Variants in CNTN5 observed in about 807,000 individuals in gnomAD.
CNTN5 encodes contactin 5.
CNTN5 carries 77 observed loss-of-function variants against 129.1 expected under a neutral mutation model. The observed-to-expected ratio is 0.60, with a 90% CI of 0.50 to 0.72. The LOEUF is 0.72. Ranked by LOEUF, CNTN5 falls within the 30% of genes least tolerant of loss-of-function variation. CNTN5 has a pLI of 0.00. For synonymous variants in CNTN5, 509 were observed against 465.6 expected, an observed-to-expected ratio of 1.09 and a Z score of -1.20; for missense variants, 1,478 against 1,328.8, an observed-to-expected ratio of 1.11 and a Z score of -1.75.
intron 2 of CNTN5, among the ~76,000 whole-genome samples, chr11:99,543,010 C>T (rs529283419): frequency 4.6e-5 from 7 of 152,258 alleles, no homozygotes; most frequent in African/African-American, 1.7e-4. Flanking sequence ...TTGTGTTGTG[C>T]CTTGTCTGGT....
intron 2 of CNTN5, among the ~76,000 whole-genome samples, chr11:99,380,794 A>G (rs111843754): frequency 6.6e-6 from 1 of 150,622 alleles, no homozygotes; most frequent in Admixed American, 6.6e-5. Context: ...AAAGAAAAGA[A>G]AAAAGAAAAG....
chr11:99,374,260 A>G (rs1166890984), intron 2 of CNTN5, among the ~76,000 whole-genome samples: 1 of 152,216 alleles, frequency 6.6e-6, no homozygotes, highest in East Asian at 1.9e-4. Flanking sequence ...TTTCTCTGCA[A>G]GATAATATTA....
At chr11:99,575,512 T>C (rs12419312) in intron 3 of CNTN5, among the ~76,000 whole-genome samples, 7,400 of 152,240 alleles carry the variant, frequency 0.049, 425 homozygotes, top group East Asian at 0.28. Flanking sequence ...GCTAAAACAA[T>C]CTTGAGAAAG....
chr11:99,610,921 G>T (rs190845227), intron 3 of CNTN5, among the ~76,000 whole-genome samples: 2 of 152,278 alleles, frequency 1.3e-5, no homozygotes, highest in East Asian at 3.9e-4. Context: ...AGAAAAAAGC[G>T]GGGAGTAGAC....
chr11:99,894,235 C>T (rs770049206), intron 6 of CNTN5, among the ~76,000 whole-genome samples: 68 of 151,982 alleles, frequency 4.5e-4, no homozygotes, highest in Non-Finnish European at 8.1e-4. Context: ...ACAGACTGTT[C>T]CTTGTTTATG....
At chr11:99,953,503 A>C (rs1950724207) in intron 7 of CNTN5, among the ~76,000 whole-genome samples, 1 of 152,250 alleles carries the variant, frequency 6.6e-6, no homozygotes, top group Non-Finnish European at 1.5e-5. Context: ...GAAATCCCGA[A>C]GTATCAGAAA....
chr11:99,633,312 G>A (rs780090163), intron 3 of CNTN5, among the ~76,000 whole-genome samples: 1 of 152,132 alleles, frequency 6.6e-6, no homozygotes, highest in Non-Finnish European at 1.5e-5. Flanking sequence ...TGCTATGCCT[G>A]CATTGTATAG....
intron 2 of CNTN5, among the ~76,000 whole-genome samples, chr11:99,549,643 T>G (rs1948416548): frequency 6.6e-6 from 1 of 152,150 alleles, no homozygotes; most frequent in Non-Finnish European, 1.5e-5. Context: ...TTCTTAGTCA[T>G]GATATCCAGT....
intron 15 of CNTN5, among the ~76,000 whole-genome samples, chr11:100,198,363 A>G (rs1438090898): frequency 1.3e-5 from 2 of 151,890 alleles, no homozygotes; most frequent in East Asian, 3.9e-4. Context: ...TTGAACACCT[A>G]TGTGCCAAGC....
At chr11:100,312,056 C>T (rs920274430) in intron 21 of CNTN5, among the ~76,000 whole-genome samples, 8 of 151,906 alleles carry the variant, frequency 5.3e-5, no homozygotes, top group South Asian at 2.1e-4. Flanking sequence ...ACAAACAAAC[C>T]GGGACAGAAT....
At chr11:100,125,705 G>A in intron 13 of CNTN5, among the ~76,000 whole-genome samples, 1 of 152,024 alleles carries the variant, frequency 6.6e-6, no homozygotes, top group East Asian at 1.9e-4. Context: ...TGGGTCAAAT[G>A]GAAGTTTGGC....
chr11:100,232,364 T>C (rs1949508294), intron 16 of CNTN5, among the ~76,000 whole-genome samples: 1 of 151,900 alleles, frequency 6.6e-6, no homozygotes, highest in Admixed American at 6.6e-5. Context: ...AAGGAGAAAA[T>C]GGACAACAGT....
At chr11:99,890,025 A>G (rs1015053094) in intron 6 of CNTN5, among the ~76,000 whole-genome samples, 2 of 152,198 alleles carry the variant, frequency 1.3e-5, no homozygotes, top group African/African-American at 2.4e-5. Flanking sequence ...AGTTAATCAC[A>G]TATGTTTTCT....
chr11:100,295,438 T>G (rs989284230), intron 18 of CNTN5, among the ~76,000 whole-genome samples: 7 of 151,496 alleles, frequency 4.6e-5, no homozygotes, highest in Non-Finnish European at 1.0e-4. Context: ...AAATGTTCAC[T>G]TGTTTTTTTT....
At chr11:99,941,598 A>G (rs139724092) in intron 7 of CNTN5, among the ~76,000 whole-genome samples, 2,051 of 152,116 alleles carry the variant, frequency 0.013, 23 homozygotes, top group Non-Finnish European at 0.022. Context: ...AGAGAAAGAG[A>G]GATAGATAGA....
intron 3 of CNTN5, among the ~76,000 whole-genome samples, chr11:99,756,913 G>GT (rs72102158): frequency 0.08 from 11,492 of 142,986 alleles, 550 homozygotes; most frequent in Non-Finnish European, 0.11. Context: ...ACAATAGAGG[G>GT]TTTTTTTTTT....
At chr11:99,942,061 G>A (rs1335971619) in intron 7 of CNTN5, among the ~76,000 whole-genome samples, 2 of 152,032 alleles carry the variant, frequency 1.3e-5, no homozygotes, top group African/African-American at 4.8e-5. Flanking sequence ...GAAAATTAGA[G>A]TAATAATACC....
chr11:99,887,577 C>T (rs1948932820), intron 6 of CNTN5, among the ~76,000 whole-genome samples: 1 of 152,342 alleles, frequency 6.6e-6, no homozygotes, highest in Middle Eastern at 3.4e-3. Context: ...AATAGGCCAT[C>T]TGCAAACTGA....
At chr11:99,487,268 C>A (rs1449506412) in intron 2 of CNTN5, among the ~76,000 whole-genome samples, 1 of 152,116 alleles carries the variant, frequency 6.6e-6, no homozygotes, top group East Asian at 1.9e-4. Flanking sequence ...TAAGTGTGAA[C>A]CTGAAGACCA....
Sources: allele counts gnomAD v4.1 joint callset (sites outside exome capture counted in the v4.1 genomes callset), GRCh38; gene constraint gnomAD v4.1.1; transcripts MANE v1.5; gene names NCBI Gene and HGNC (gene_info 2026-07-23, HGNC 2026-07-21).